VRK2: variants seen among roughly 807,000 people sequenced by gnomAD.
The protein encoded by VRK2 is serine/threonine-protein kinase VRK2.
VRK2 carries 60 observed loss-of-function variants against 57.6 expected under a neutral mutation model. The observed-to-expected ratio is 1.04, with a 90% CI of 0.85 to 1.29. The LOEUF is 1.29. VRK2 is among the 50% of genes most tolerant of loss of function. The pLI is 0.00. For synonymous variants in VRK2, 231 were observed against 199.2 expected (o/e 1.16, Z -1.35); for missense variants, 705 against 588.1 (o/e 1.20, Z -2.06).
intron 1 of VRK2, among the ~76,000 whole-genome samples, chr2:57,933,279 T>G (rs2103937062): frequency 6.6e-6 from 1 of 151,656 alleles, no homozygotes; most frequent in East Asian, 1.9e-4. Context: ...CATCAATTAC[T>G]GTATTGCTAT....
At chr2:58,091,304 G>A (rs1317076421) in intron 7 of VRK2, among the ~76,000 whole-genome samples, 2 of 152,172 alleles carry the variant, frequency 1.3e-5, no homozygotes, top group African/African-American at 4.8e-5. Context: ...CTTTGTGTGG[G>A]CTTGAGGTAT....
At chr2:57,972,020 C>T (rs1043524147) in intron 1 of VRK2, among the ~76,000 whole-genome samples, 4 of 151,934 alleles carry the variant, frequency 2.6e-5, no homozygotes, top group Non-Finnish European at 4.4e-5. Context: ...TTCAGGTTGG[C>T]TCTGGGGACC....
At chr2:58,057,503 CTCTT>C (rs3836114) in intron 2 of VRK2, among the ~76,000 whole-genome samples, 71,411 of 151,524 alleles carry the variant, frequency 0.47, 17,840 homozygotes, top group Non-Finnish European at 0.56. Context: ...AATCAGTTTT[CTCTT>C]TCTAATAAAA....
chr2:58,042,202 T>C (rs146835000), upstream of VRK2, among the ~76,000 whole-genome samples: 77 of 152,354 alleles, frequency 5.1e-4, no homozygotes, highest in African/African-American at 1.8e-3. Flanking sequence ...TTCATTTATA[T>C]AGACAATGAA....
chr2:57,939,349 T>C (rs1558503622), intron 1 of VRK2, among the ~76,000 whole-genome samples: 1 of 152,222 alleles, frequency 6.6e-6, no homozygotes, highest in South Asian at 2.1e-4. Flanking sequence ...AAATCAATTC[T>C]TGTTTTGTAA....
intron 9 of VRK2, among the ~76,000 whole-genome samples, chr2:58,134,866 T>C (rs1422842863): frequency 6.6e-6 from 1 of 152,232 alleles, no homozygotes; most frequent in Admixed American, 6.5e-5. Context: ...GTTATAGGAA[T>C]GTTGGCTGCA....
chr2:57,973,852 A>G (rs1672168743), intron 1 of VRK2, among the ~76,000 whole-genome samples: 1 of 151,806 alleles, frequency 6.6e-6, no homozygotes, highest in Admixed American at 6.6e-5. Flanking sequence ...TATCTAGTGG[A>G]GAAAAAAAAA....
chr2:57,950,812 G>C (rs1219437051), intron 1 of VRK2, among the ~76,000 whole-genome samples: 1 of 152,154 alleles, frequency 6.6e-6, no homozygotes, highest in African/African-American at 2.4e-5. Context: ...TTGGTGATCT[G>C]GCTGGGCATG....
intron 7 of VRK2, among the ~76,000 whole-genome samples, chr2:58,106,073 C>A (rs1221428226): frequency 1.3e-5 from 2 of 151,938 alleles, no homozygotes; most frequent in Non-Finnish European, 2.9e-5. Context: ...TAAGCCAATG[C>A]AATCCAGATT....
At chr2:58,137,158 A>T (rs866493923) in intron 10 of VRK2, among the ~76,000 whole-genome samples, 3 of 19,152 alleles carry the variant, frequency 1.6e-4, no homozygotes, top group Non-Finnish European at 2.9e-4. Flanking sequence ...TCATGTGTTT[A>T]TATATATCAT....
At chr2:58,135,322 A>G in intron 10 of VRK2, 123 bp downstream of exon 10, 1 of 943,646 alleles carries the variant, frequency 1.1e-6, no homozygotes, top group South Asian at 1.5e-5. Context: ...GAAGGAGGGA[A>G]CTCTTCATGT....
chr2:58,146,552 A>C, intron 12 of VRK2, 78 bp downstream of exon 12: 1 of 1,489,530 alleles, frequency 6.7e-7, no homozygotes, highest in African/African-American at 1.4e-5. Flanking sequence ...AAAACATCTT[A>C]TTTTCTCCTG....
chr2:58,093,851 A>C lies in VRK2; in HGVS notation c.543+4128A>C, dbSNP rs944169249. Among the ~76,000 whole-genome samples, 9 of 152,312 alleles carry C rather than the reference A, an allele frequency of 5.9e-5. No homozygotes were observed. The South Asian group carries it at 1.7e-3, about 28-fold the overall frequency. On this transcript the variant is annotated intron_variant, in intron 7 of 12. Coordinates refer to ENST00000340157, the MANE Select transcript of VRK2 (RefSeq NM_006296.7). ...TGAATTAATTTTTGTATAAAGTGTA[A>C]GGAAGGGATCCAGTTTCAGCTTCCT... is the stretch of plus-strand genomic sequence containing the variant.
rs554394836 is a variant in VRK2 at position 58,116,748 on chromosome 2, G to T, written c.544-6353G>T. Among the ~76,000 whole-genome samples the T allele has an allele frequency of 2.5e-3, 382 of 152,304 alleles. 2 individuals carry two copies. The highest frequency in any genetic ancestry group is 0.019 in the South Asian group (92 of 4,830). The stretch of plus-strand genomic sequence containing the variant: ...TGGGCCAGAGTTCCAGGGGCTCTGG[G>T]AGTGGCTGCCAGGTGAGTTGAACAG... On this transcript the variant is annotated intron_variant, in intron 7 of 12. Transcript: ENST00000340157.
At chr2:58,138,925 G>T (rs1680924660) in intron 10 of VRK2, among the ~76,000 whole-genome samples, 1 of 152,124 alleles carries the variant, frequency 6.6e-6, no homozygotes, top group Admixed American at 6.6e-5. Context: ...AGTGATGTTT[G>T]TAACTGTTGG....
At chr2:57,941,317 C>T (rs1034472897) in intron 1 of VRK2, among the ~76,000 whole-genome samples, 1 of 152,102 alleles carries the variant, frequency 6.6e-6, no homozygotes, top group African/African-American at 2.4e-5. Context: ...TGAATATTGA[C>T]ACTATGCTTT....
At chr2:57,973,364 TAAACA>T (rs1572923175) in intron 1 of VRK2, among the ~76,000 whole-genome samples, 4 of 151,900 alleles carry the variant, frequency 2.6e-5, no homozygotes, top group African/African-American at 9.7e-5. Context: ...TTATTCCAAC[TAAACA>T]AGAGTGTTGA....
chr2:57,953,250 C>T (rs535236097), intron 1 of VRK2, among the ~76,000 whole-genome samples: 1 of 152,128 alleles, frequency 6.6e-6, no homozygotes, highest in Non-Finnish European at 1.5e-5. Flanking sequence ...CTGATTTGTT[C>T]GAATTGATGC....
chr2:58,152,099 G>A (rs1000659418), intron 12 of VRK2, among the ~76,000 whole-genome samples: 4 of 151,642 alleles, frequency 2.6e-5, no homozygotes, highest in African/African-American at 4.8e-5. Context: ...AAAAGAAACA[G>A]GTAGAATCTA....
Sources: gnomAD v4.1 joint callset for allele counts (sites outside exome capture counted in the v4.1 genomes callset) on GRCh38, gnomAD v4.1.1 for gene constraint, MANE v1.5 for transcripts, NCBI Gene and HGNC (gene_info 2026-07-23, HGNC 2026-07-21) for gene names.